UTS2B: variants seen among roughly 807,000 people sequenced by gnomAD.
UTS2B encodes urotensin-2B.
UTS2B carries 21 observed loss-of-function variants against 19.2 expected under a neutral mutation model. The ratio of observed to expected loss-of-function variants is 1.09; its 90% confidence interval spans 0.78 to 1.58. The LOEUF (loss-of-function observed/expected upper bound fraction) is 1.58. UTS2B is among the 40% of genes most tolerant of loss of function. The pLI is 0.00. For missense variants in UTS2B, 138 were observed against 130.3 expected (o/e 1.06, Z -0.29); for synonymous variants, 57 against 50.2 (o/e 1.14, Z -0.58).
At chr3:191,299,062 A>ATATGCTCC (rs913877310) in intron 4 of UTS2B, among the ~76,000 whole-genome samples, 7 of 152,200 alleles carry the variant, frequency 4.6e-5, no homozygotes, top group African/African-American at 1.7e-4. Flanking sequence ...TAACAACAAC[A>ATATGCTCC]TATGCTCCTA....
the UTS2B span, among the ~76,000 whole-genome samples, chr3:191,339,419 C>T: frequency 6.6e-6 from 1 of 152,120 alleles, no homozygotes; most frequent in Non-Finnish European, 1.5e-5. Flanking sequence ...GCAAGTGATT[C>T]CTTTATAGCA....
chr3:191,272,028 A>G (rs1013741756), intron 8 of UTS2B, among the ~76,000 whole-genome samples: 1 of 152,220 alleles, frequency 6.6e-6, no homozygotes, highest in Admixed American at 6.5e-5. Context: ...AAGCATATTT[A>G]CCTGCTTCAT....
At chr3:191,324,917 G>C (rs563452946) in intron 2 of UTS2B, among the ~76,000 whole-genome samples, 8 of 152,196 alleles carry the variant, frequency 5.3e-5, no homozygotes, top group African/African-American at 1.4e-4. Flanking sequence ...GGGCGTGGTG[G>C]TACACTCTTG....
chr3:191,269,598 A>G (rs762503644), intron 8 of UTS2B, among the ~76,000 whole-genome samples: 9 of 151,806 alleles, frequency 5.9e-5, no homozygotes, highest in Non-Finnish European at 1.5e-5. Flanking sequence ...AGAGTGCTAC[A>G]GCTTCAAGTG....
intron 4 of UTS2B, among the ~76,000 whole-genome samples, chr3:191,289,223 C>A (rs1716639873): frequency 6.6e-6 from 1 of 151,980 alleles, no homozygotes; most frequent in African/African-American, 2.4e-5. Context: ...TCCTGGCTAA[C>A]ATGGTGAAAC....
chr3:191,338,611 C>G, the UTS2B span, among the ~76,000 whole-genome samples: 5 of 152,250 alleles, frequency 3.3e-5, no homozygotes, highest in African/African-American at 1.2e-4. Context: ...CCAGCATTCT[C>G]TGGTCAGACT....
rs375430752 is a variant in UTS2B at position 191,328,003 on chromosome 3, C to T, written c.-586+628G>A. On this transcript the variant is annotated intron_variant, in intron 2 of 8. Transcript: ENST00000340524. ...GACTTTGAGGCTTAAGAGGCAAGGTCGAAAATATTATGTCCTATTTATGTA... is the reference window on the plus strand; with the variant it reads ...GACTTTGAGGCTTAAGAGGCAAGGTTGAAAATATTATGTCCTATTTATGTA... Among the ~76,000 whole-genome samples the T allele has an allele frequency of 7.2e-5, 11 of 152,168 alleles. 1 individual carries two copies. In the East Asian group the frequency reaches 2.1e-3, roughly 29 times the overall value.
intron 4 of UTS2B, among the ~76,000 whole-genome samples, chr3:191,284,462 CA>C (rs1716478534): frequency 1.3e-5 from 2 of 151,948 alleles, no homozygotes; most frequent in South Asian, 4.2e-4. Context: ...GCTGGGATTA[CA>C]GGCTAGCACC....
chr3:191,327,478 G>A (rs1717775157), intron 2 of UTS2B, among the ~76,000 whole-genome samples: 1 of 152,176 alleles, frequency 6.6e-6, no homozygotes, highest in Non-Finnish European at 1.5e-5. Flanking sequence ...CACACTCTAG[G>A]CCTGAAGGGA....
intron 4 of UTS2B, among the ~76,000 whole-genome samples, chr3:191,287,627 T>C (rs1450411682): frequency 1.3e-5 from 2 of 152,068 alleles, no homozygotes; most frequent in East Asian, 1.9e-4. Context: ...AGCCCCTATA[T>C]GAAAAACCCA....
At chr3:191,330,170 C>T (rs146100100) in intron 1 of UTS2B, among the ~76,000 whole-genome samples, 2 of 152,192 alleles carry the variant, frequency 1.3e-5, no homozygotes, top group Non-Finnish European at 2.9e-5. Context: ...CCCTCCTTCT[C>T]TCCCTACTTT....
intron 1 of UTS2B, 90 bp downstream of exon 1, chr3:191,330,319 ACACAC>A (rs1560151809): frequency 5.2e-5 from 8 of 153,898 alleles, no homozygotes; most frequent in South Asian, 4.1e-4. Context: ...ACACACACAC[ACACAC>A]ACACAATAGT....
chr3:191,288,751 A>C (rs2603668), intron 4 of UTS2B, among the ~76,000 whole-genome samples: 1 of 151,854 alleles, frequency 6.6e-6, no homozygotes, highest in Non-Finnish European at 1.5e-5. Flanking sequence ...GTATATCACT[A>C]TTTACTACTT....
intron 4 of UTS2B, among the ~76,000 whole-genome samples, chr3:191,289,270 A>G (rs2572059): frequency 0.62 from 93,231 of 151,368 alleles, 29,014 homozygotes; most frequent in Middle Eastern, 0.73. Context: ...TTAGCCAGGC[A>G]TGGTGGCAGG....
At chr3:191,326,395 G>C (rs1457642869) in intron 2 of UTS2B, among the ~76,000 whole-genome samples, 1 of 151,926 alleles carries the variant, frequency 6.6e-6, no homozygotes, top group African/African-American at 2.4e-5. Flanking sequence ...TCAAACTGGA[G>C]TTTTCATTTC....
intron 4 of UTS2B, chr3:191,282,520 A>G: frequency 5.3e-6 from 1 of 188,272 alleles, no homozygotes; most frequent in Non-Finnish European, 1.1e-5. Context: ...ATGCACAAGC[A>G]TGAAGCAACA....
upstream of UTS2B, among the ~76,000 whole-genome samples, chr3:191,333,516 T>C (rs1422499325): frequency 6.6e-6 from 1 of 152,186 alleles, no homozygotes. Flanking sequence ...ACTTTCCCTG[T>C]TTTTCAAAAT....
At chr3:191,318,368 A>G (rs1053350945) in intron 2 of UTS2B, among the ~76,000 whole-genome samples, 1 of 152,270 alleles carries the variant, frequency 6.6e-6, no homozygotes, top group African/African-American at 2.4e-5. Context: ...GCCTGTAGAA[A>G]AGGAATTTCC....
upstream of UTS2B, among the ~76,000 whole-genome samples, chr3:191,333,852 T>C (rs1718062252): frequency 6.6e-6 from 1 of 152,180 alleles, no homozygotes; most frequent in East Asian, 1.9e-4. Flanking sequence ...GCATTAAATT[T>C]ATAAAAACTT....
Sources: gnomAD v4.1 joint callset for allele counts (sites outside exome capture counted in the v4.1 genomes callset) on GRCh38, gnomAD v4.1.1 for gene constraint, MANE v1.5 for transcripts, NCBI Gene and HGNC (gene_info 2026-07-23, HGNC 2026-07-21) for gene names.